The following GAS7 variants were observed in gnomAD, a reference collection of about 807,000 sequenced individuals.
GAS7 encodes the protein growth arrest specific 7.
In GAS7, 28 loss-of-function variants were observed where a neutral mutation model predicts 71.1. The ratio of observed to expected loss-of-function variants is 0.39; its 90% CI spans 0.29 to 0.54. The LOEUF (loss-of-function observed/expected upper bound fraction) is 0.54, where lower values mean the gene tolerates loss of function less well. Among genes scored for constraint, GAS7 ranks in the 20% least tolerant of loss-of-function variants. The probability of loss-of-function intolerance (pLI) is 0.62; values close to 1 mark genes in which losing one functional copy is unlikely to be tolerated. For missense variants in GAS7, 436 were observed against 627.8 expected (o/e 0.69, Z 3.27); for synonymous variants, 258 against 245.8 (o/e 1.05, Z -0.46).
intron 1 of GAS7, among the ~76,000 whole-genome samples, chr17:10,145,794 C>T (rs1014933361): frequency 1.3e-5 from 2 of 152,196 alleles, no homozygotes; most frequent in African/African-American, 4.8e-5. Context: ...CTAAGACCCC[C>T]CCAGAAATGA....
intron 1 of GAS7, among the ~76,000 whole-genome samples, chr17:10,064,886 G>A (rs1042158819): frequency 7.9e-5 from 12 of 152,184 alleles, no homozygotes; most frequent in Non-Finnish European, 1.5e-5. Flanking sequence ...GAAGTACAGT[G>A]GTACAATCAT....
rs1368953810 is a variant in GAS7, at chr17:9,959,828, G to A, written c.472-573C>T. On this transcript the variant is annotated intron_variant, in intron 4 of 13. Transcript: ENST00000432992. This position sits in a 1 kb window ranked among gnomAD's most constrained non-coding sequence, Gnocchi z 5.0. ...CAAACCGACTTCCAGCTTCCACTCAGTCTTTATATTGCCTTTTGATGTCTT... is the reference window on the plus strand; with the variant it reads ...CAAACCGACTTCCAGCTTCCACTCAATCTTTATATTGCCTTTTGATGTCTT... Among the ~76,000 whole-genome samples, 1 of 148,514 alleles carries A rather than the reference G, an allele frequency of 6.7e-6. No individual in the cohort carries two copies. The highest frequency in any genetic ancestry group is 6.7e-5 in the Admixed American group (1 of 14,862).
intron 1 of GAS7, among the ~76,000 whole-genome samples, chr17:10,155,586 T>C (rs2074199655): frequency 2.0e-5 from 3 of 152,198 alleles, no homozygotes; most frequent in Non-Finnish European, 4.4e-5. Context: ...CCCACCGCTA[T>C]GTCAGGGATC....
intron 1 of GAS7, among the ~76,000 whole-genome samples, chr17:10,082,203 C>T (rs923003351): frequency 6.6e-6 from 1 of 152,066 alleles, no homozygotes; most frequent in South Asian, 2.1e-4. Context: ...GATATACACA[C>T]GTTAATAAAG....
chr17:10,075,146 A>G (rs1161665867), intron 1 of GAS7, among the ~76,000 whole-genome samples: 1 of 151,952 alleles, frequency 6.6e-6, no homozygotes, highest in Non-Finnish European at 1.5e-5. Flanking sequence ...TCACGAGGTC[A>G]GGAGTTTGAG....
At chr17:10,081,595 G>A (rs935862570) in intron 1 of GAS7, among the ~76,000 whole-genome samples, 4 of 152,130 alleles carry the variant, frequency 2.6e-5, no homozygotes, top group Admixed American at 1.3e-4. Flanking sequence ...GAAAGACTGC[G>A]AAATAGAAAA....
intron 1 of GAS7, among the ~76,000 whole-genome samples, chr17:10,074,719 A>G (rs2073373569): frequency 6.6e-6 from 1 of 152,212 alleles, no homozygotes. Flanking sequence ...AATCGTTAAG[A>G]AAAAACCACT....
intron 4 of GAS7, among the ~76,000 whole-genome samples, chr17:9,962,267 C>CACACACACACGT (rs1555605517): frequency 2.8e-5 from 4 of 142,634 alleles, no homozygotes; most frequent in African/African-American, 1.2e-4. Flanking sequence ...CACACACACA[C>CACACACACACGT]GTGACACACA....
At chr17:9,922,333 G>T (rs1292754071) in intron 11 of GAS7, among the ~76,000 whole-genome samples, 2 of 152,198 alleles carry the variant, frequency 1.3e-5, no homozygotes, top group African/African-American at 4.8e-5. Context: ...TGAGCAACAG[G>T]CTGTCCAGCA....
chr17:10,026,063 C>T lies in GAS7; in HGVS notation c.184-6166G>A. 1 of 597,992 alleles carries T rather than the reference C, an allele frequency of 1.7e-6. No homozygotes were observed. Among genetic ancestry groups the T allele is most frequent in the Non-Finnish European group, 2.1e-6 (1 of 476,080 alleles). The allele number at this position is 597,992 out of a possible 1,614,324, so 37.0% of individuals were successfully genotyped here. On this transcript the variant is annotated intron_variant, in intron 1 of 13. Transcript: ENST00000432992. This position sits in a 1 kb window ranked among gnomAD's most constrained non-coding sequence, Gnocchi z 4.5. ...TCCGCTCCCTACCGCTCCCACCATG[C>T]TTCAAGCTCAAGTTCAACCCGGATG...
At chr17:10,002,232 G>A (rs572104997) in intron 2 of GAS7, among the ~76,000 whole-genome samples, 7 of 152,240 alleles carry the variant, frequency 4.6e-5, no homozygotes, top group African/African-American at 1.7e-4. Context: ...TCTGTCCCAG[G>A]CCTCTCTCCT....
intron 1 of GAS7, among the ~76,000 whole-genome samples, chr17:10,167,836 C>A (rs2074307278): frequency 6.6e-6 from 1 of 151,788 alleles, no homozygotes; most frequent in African/African-American, 2.4e-5. Context: ...GTAGCTGGGA[C>A]TACAGGCATG....
intron 1 of GAS7, among the ~76,000 whole-genome samples, chr17:10,155,108 G>A (rs929941268): frequency 2.6e-5 from 4 of 151,620 alleles, no homozygotes; most frequent in African/African-American, 7.3e-5. Context: ...TCCGCCTCCC[G>A]GGTTCAAGCG....
chr17:9,927,976 C>T (rs1386429385), intron 9 of GAS7, among the ~76,000 whole-genome samples: 1 of 152,150 alleles, frequency 6.6e-6, no homozygotes, highest in Non-Finnish European at 1.5e-5. Context: ...GTCAGAAGAG[C>T]TGGGTGGCAT....
chr17:10,018,665 C>T (rs1044863396), intron 2 of GAS7, among the ~76,000 whole-genome samples: 1 of 152,160 alleles, frequency 6.6e-6, no homozygotes, highest in East Asian at 1.9e-4. Flanking sequence ...CCAGGGGATA[C>T]GAATAAACCA....
At chr17:10,123,802 G>A (rs371477804) in intron 1 of GAS7, among the ~76,000 whole-genome samples, 8 of 152,220 alleles carry the variant, frequency 5.3e-5, no homozygotes, top group East Asian at 1.9e-4. Flanking sequence ...GAGGAGGGGC[G>A]CAGCAGAGCC....
At chr17:9,921,958 CAAAAA>C (rs35195748) in intron 11 of GAS7, among the ~76,000 whole-genome samples, 1 of 89,236 alleles carries the variant, frequency 1.1e-5, no homozygotes, top group Non-Finnish European at 2.3e-5. Context: ...GACTCCATCT[CAAAAA>C]AAAAAAAAAA....
chr17:10,158,692 T>A (rs1183556844), intron 1 of GAS7, among the ~76,000 whole-genome samples: 2 of 152,016 alleles, frequency 1.3e-5, no homozygotes, highest in East Asian at 3.9e-4. Context: ...GATGGGTATA[T>A]AAGTGTGCAC....
chr17:10,022,086 C>T lies in GAS7; in HGVS notation c.184-2189G>A, dbSNP rs570219297. On this transcript the variant is annotated intron_variant, in intron 1 of 13. Transcript: ENST00000432992. ...CAGCCTGGGCAACATAGGAAGACTCCGTCTGCAAATAATTTTTAAAATTAG... is the reference window on the plus strand; with the variant it reads ...CAGCCTGGGCAACATAGGAAGACTCTGTCTGCAAATAATTTTTAAAATTAG... Among the ~76,000 whole-genome samples the T allele has an allele frequency of 3.9e-4, 59 of 152,112 alleles. No individual in the cohort carries two copies. The Middle Eastern group carries it at 0.014, about 35-fold the overall frequency.
Sources: gnomAD v4.1 joint callset for allele counts (sites outside exome capture counted in the v4.1 genomes callset) on GRCh38, gnomAD v4.1.1 for gene constraint, Gnocchi (gnomAD v3.1) non-coding constraint, MANE v1.5 for transcripts, NCBI Gene and HGNC (gene_info 2026-07-23, HGNC 2026-07-21) for gene names.